LARS2: variants seen among roughly 807,000 people sequenced by gnomAD.
The protein encoded by LARS2 is leucyl-tRNA synthetase 2, mitochondrial.
In LARS2, 81 loss-of-function variants were observed where a neutral mutation model predicts 116.6. That is an observed-to-expected ratio of 0.69 (90% CI 0.58 to 0.84). The LOEUF (loss-of-function observed/expected upper bound fraction) is 0.84, where lower values mean the gene tolerates loss of function less well. Among genes scored for constraint, LARS2 ranks in the 40% least tolerant of loss-of-function variants. The pLI is 0.00. For missense variants in LARS2, 968 were observed against 1,114.5 expected, an observed-to-expected ratio of 0.87 and a Z score of 1.87; for synonymous variants, 396 against 407.2, an observed-to-expected ratio of 0.97 and a Z score of 0.33.
In LARS2 at chr3:45,429,632, CA is replaced by C. The variant is rs1429841673; in HGVS notation, c.516+9904del. 2.6e-5 allele frequency among the ~76,000 whole-genome samples: 4 copies of C among 151,684 alleles called. 1 individual carries two copies. ...CCTTTTGCCATTTAACTAACATATTCACAGGTTCAAGGGATTAGGGCATGGA... is the reference window on the plus strand; with the variant it reads ...CCTTTTGCCATTTAACTAACATATTCCAGGTTCAAGGGATTAGGGCATGGA... On this transcript the variant is annotated intron_variant, in intron 6 of 21. Coordinates refer to ENST00000645846, the MANE Select transcript of LARS2 (RefSeq NM_015340.4).
intron 3 of LARS2, among the ~76,000 whole-genome samples, chr3:45,396,682 T>C (rs1490727179): frequency 6.6e-6 from 1 of 152,254 alleles, no homozygotes; most frequent in African/African-American, 2.4e-5. Context: ...TGCCAGGCAC[T>C]GTCTTTCAAT....
At chr3:45,459,171 A>G (rs1325096827) in intron 8 of LARS2, among the ~76,000 whole-genome samples, 1 of 152,218 alleles carries the variant, frequency 6.6e-6, no homozygotes, top group Non-Finnish European at 1.5e-5. Flanking sequence ...CCATAATTAT[A>G]TCAGTGATAA....
At chr3:45,409,377 A>C (rs180999431) in intron 4 of LARS2, among the ~76,000 whole-genome samples, 1 of 152,190 alleles carries the variant, frequency 6.6e-6, no homozygotes, top group Non-Finnish European at 1.5e-5. Context: ...TGAATGGACA[A>C]TCTTGGCCAT....
intron 10 of LARS2, among the ~76,000 whole-genome samples, chr3:45,478,304 A>G (rs1180932810): frequency 6.6e-6 from 1 of 152,226 alleles, no homozygotes; most frequent in African/African-American, 2.4e-5. Flanking sequence ...TGGTGGCTGA[A>G]TAATATCTAA....
chr3:45,538,327 T>C (rs951430530), intron 20 of LARS2: 3 of 152,114 alleles, frequency 2.0e-5, no homozygotes, highest in Non-Finnish European at 4.4e-5. Flanking sequence ...GTGTCCAAGG[T>C]CCTTTCATCT....
At chr3:45,423,367 C>G (rs1273362308) in intron 6 of LARS2, among the ~76,000 whole-genome samples, 1 of 152,080 alleles carries the variant, frequency 6.6e-6, no homozygotes, top group Non-Finnish European at 1.5e-5. Context: ...GGCTGGAGTG[C>G]AGTGGTGCGA....
In LARS2 at chr3:45,500,541, T is replaced by C. The variant is rs1370737859; in HGVS notation, c.1722T>C (p.Phe574=). The part of the protein sequence containing the change: ...AVMHLFYARF[F]SHFCHDQKMV... ...TGCACTTGTTCTATGCAAGATTCTT[T>C]AGTCATTTTTGCCATGATCAAAAAA... The change falls in exon 15 of 22, where the codon TTT becomes TTC. Residue 574 remains phenylalanine, a synonymous_variant. Coordinates refer to ENST00000645846, the MANE Select transcript of LARS2 (RefSeq NM_015340.4). The C allele has an allele frequency of 3.2e-6, 5 of 1,569,778 alleles. No homozygotes were observed. The South Asian group carries it at 6.0e-5, about 19-fold the overall frequency.
At chr3:45,487,690 A>G (rs1371641440) in intron 11 of LARS2, among the ~76,000 whole-genome samples, 1 of 152,140 alleles carries the variant, frequency 6.6e-6, no homozygotes, top group African/African-American at 2.4e-5. Context: ...GCAATGCAAA[A>G]GACAGCCCCC....
At chr3:45,423,969 G>A (rs923287012) in intron 6 of LARS2, among the ~76,000 whole-genome samples, 2 of 152,184 alleles carry the variant, frequency 1.3e-5, no homozygotes, top group African/African-American at 2.4e-5. Flanking sequence ...CTTGCAGGAA[G>A]TTGCCAGGAT....
rs781328326 is a variant in LARS2, at chr3:45,476,473, T to C, written c.864T>C (p.His288=). 4 of 1,614,194 alleles carry C rather than the reference T, an allele frequency of 2.5e-6. No homozygotes were observed. The East Asian group carries it at 6.7e-5, about 27-fold the overall frequency. The change falls in exon 10 of 22, where the codon CAT becomes CAC. Residue 288 remains histidine (H), a synonymous_variant. Coordinates refer to ENST00000645846, the MANE Select transcript of LARS2 (RefSeq NM_015340.4). Reference sequence around the variant, plus strand: ...CTCTTCTTTCCTATCACCAGGTTCATGGGCAAGCCACGGGCGAAAAGCTGA... The same window carrying C: ...CTCTTCTTTCCTATCACCAGGTTCACGGGCAAGCCACGGGCGAAAAGCTGA... ...GCHLDFTLKV[H]GQATGEKLTA... is the part of the protein sequence containing the mutation.
At position 45,541,961 on chromosome 3, in the gene LARS2, G is replaced by C. The variant is rs1291424134; in HGVS notation, c.2532+5G>C. 1 of 1,614,138 alleles carries C rather than the reference G, an allele frequency of 6.2e-7. No individual in the cohort carries two copies. On this transcript the variant is annotated splice_donor_5th_base_variant and intron_variant, in intron 21 of 21. Coordinates refer to ENST00000645846, the MANE Select transcript of LARS2 (RefSeq NM_015340.4). ...GTTGTCCAGATGGCAGTTCTGGTAA[G>C]TATCTCCCCTCAACCCCAGAACCCA...
chr3:45,390,860 T>C (rs1287715863), intron 1 of LARS2, among the ~76,000 whole-genome samples: 1 of 151,538 alleles, frequency 6.6e-6, no homozygotes, highest in Non-Finnish European at 1.5e-5. Flanking sequence ...CACCGTGGTC[T>C]CGATCTCCTG....
chr3:45,535,348 G>A (rs1700684266), intron 20 of LARS2, among the ~76,000 whole-genome samples: 1 of 96,696 alleles, frequency 1.0e-5, no homozygotes, highest in Admixed American at 1.4e-4. Flanking sequence ...GTGAGAATCT[G>A]TCTCAATTAA....
At chr3:45,468,816 G>A (rs142097562) in intron 8 of LARS2, among the ~76,000 whole-genome samples, 298 of 152,296 alleles carry the variant, frequency 2.0e-3, no homozygotes, top group South Asian at 6.2e-3. Context: ...CACAGATCAC[G>A]TACATGGGGC....
intron 3 of LARS2, among the ~76,000 whole-genome samples, chr3:45,399,655 A>G (rs1698110149): frequency 6.7e-6 from 1 of 149,956 alleles, no homozygotes; most frequent in Non-Finnish European, 1.5e-5. Context: ...TTTTTTTTCC[A>G]TAGGTTTTTG....
rs765972237 is a variant in LARS2, at chr3:45,491,753, C to T, written c.1476C>T (p.Gly492=). The change falls in exon 13 of 22, where the codon GGC becomes GGT. Residue 492 remains glycine (G), a synonymous_variant. Coordinates refer to ENST00000645846, the MANE Select transcript of LARS2 (RefSeq NM_015340.4). ...PNIASFTGKG[G]PPLAMASEWV... ...TCGCGTCTTTCACTGGCAAGGGAGGCCCCCCACTGGCCATGGCTTCAGAGT... is the reference window on the plus strand; with the variant it reads ...TCGCGTCTTTCACTGGCAAGGGAGGTCCCCCACTGGCCATGGCTTCAGAGT... 4.3e-6 allele frequency: 7 copies of T among 1,612,814 alleles called. No individual in the cohort carries two copies. In the Admixed American group the frequency reaches 5.0e-5, roughly 12 times the overall value.
At position 45,547,891 on chromosome 3, in the gene LARS2, G is replaced by A. The variant is rs559559761; in HGVS notation, c.*361G>A. On this transcript the variant is annotated 3_prime_UTR_variant, in exon 22 of 22. Transcript: ENST00000645846. Reference sequence around the variant, plus strand: ...CCCCTCGAGCAGCCAGGAAGCCTGCGGATCTGGGAAATGGCTCTGCCTTAG... The same window carrying A: ...CCCCTCGAGCAGCCAGGAAGCCTGCAGATCTGGGAAATGGCTCTGCCTTAG... 2.2e-5 allele frequency: 4 copies of A among 178,294 alleles called. No individual in the cohort carries two copies. Among genetic ancestry groups the A allele is most frequent in the East Asian group, 1.5e-4 (1 of 6,636 alleles). The allele number at this position is 178,294 out of a possible 1,614,324, so 11.0% of individuals were successfully genotyped here. A position where few individuals can be genotyped will look rare whatever the true frequency, so the allele number is the denominator to read the frequency against.
intron 10 of LARS2, among the ~76,000 whole-genome samples, chr3:45,481,171 C>A (rs1013726671): frequency 3.9e-5 from 6 of 152,216 alleles, no homozygotes; most frequent in Non-Finnish European, 7.3e-5. Flanking sequence ...TATTGTCTGG[C>A]TCCTTTCACT....
At chr3:45,514,800 C>T (rs577090079) in intron 16 of LARS2, among the ~76,000 whole-genome samples, 1 of 152,340 alleles carries the variant, frequency 6.6e-6, no homozygotes, top group East Asian at 1.9e-4. Flanking sequence ...AAGGTCTAGA[C>T]ACAGCCTGGG....
Sources: gnomAD v4.1 joint callset for allele counts (sites outside exome capture counted in the v4.1 genomes callset) on GRCh38, gnomAD v4.1.1 for gene constraint, MANE v1.5 for transcripts, NCBI Gene and HGNC (gene_info 2026-07-23, HGNC 2026-07-21) for gene names.